Variants in RHBDL3 observed in about 807,000 individuals in gnomAD.
RHBDL3 encodes the protein rhomboid like 3, also known as rhomboid-related protein 3.
RHBDL3 carries 28 observed loss-of-function variants against 48.2 expected under a neutral mutation model. The ratio of observed to expected loss-of-function variants is 0.58; its 90% confidence interval spans 0.43 to 0.80. RHBDL3 has a LOEUF of 0.80. Ranked by LOEUF, RHBDL3 falls within the 30% of genes least tolerant of loss-of-function variation. RHBDL3 has a pLI of 0.00. For missense variants in RHBDL3, 464 were observed against 542.7 expected, an observed-to-expected ratio of 0.85 and a Z score of 1.44; for synonymous variants, 208 against 232.3, an observed-to-expected ratio of 0.90 and a Z score of 0.95.
intron 6 of RHBDL3, among the ~76,000 whole-genome samples, chr17:32,303,041 A>T (rs529101912): frequency 2.0e-5 from 3 of 152,340 alleles, no homozygotes; most frequent in Admixed American, 2.0e-4. Flanking sequence ...CCAAGGTCAC[A>T]CAGCTAGCTG....
chr17:32,312,740 G>A (rs2040874564), intron 7 of RHBDL3, among the ~76,000 whole-genome samples: 1 of 151,976 alleles, frequency 6.6e-6, no homozygotes. Context: ...CTGGTCTTGA[G>A]CTCCTGGCCT....
chr17:32,284,611 G>A, intron 2 of RHBDL3, 48 bp from the exon 3 acceptor site: 1 of 1,589,622 alleles, frequency 6.3e-7, no homozygotes, highest in South Asian at 1.1e-5. Flanking sequence ...TCAGTGTGAA[G>A]AGGAGGTGGT....
At chr17:32,289,606 C>T (rs997263443) in intron 4 of RHBDL3, among the ~76,000 whole-genome samples, 1 of 152,326 alleles carries the variant, frequency 6.6e-6, no homozygotes, top group Middle Eastern at 3.4e-3. Flanking sequence ...ACATTCTCCC[C>T]TTAGGGAATC....
intron 2 of RHBDL3, among the ~76,000 whole-genome samples, chr17:32,277,654 C>T (rs548881952): frequency 2.4e-4 from 37 of 152,202 alleles, no homozygotes; most frequent in Admixed American, 7.2e-4. Flanking sequence ...GTCAGCTGCT[C>T]GGAGACCTAT....
chr17:32,268,461 C>T (rs774327712), intron 2 of RHBDL3, among the ~76,000 whole-genome samples: 14 of 152,158 alleles, frequency 9.2e-5, no homozygotes, highest in East Asian at 1.9e-4. Flanking sequence ...TGTGATTCTT[C>T]GCAATGCCTG....
chr17:32,272,602 T>C (rs1040118173), intron 2 of RHBDL3, among the ~76,000 whole-genome samples: 1 of 152,180 alleles, frequency 6.6e-6, no homozygotes, highest in African/African-American at 2.4e-5. Flanking sequence ...CCCTTGAGGC[T>C]GTGGACTCCT....
At chr17:32,316,389 G>GAA in intron 8 of RHBDL3, 97 bp downstream of exon 8, 4 of 851,624 alleles carry the variant, frequency 4.7e-6, no homozygotes, top group Admixed American at 2.3e-5. Context: ...TTATGGTCAA[G>GAA]AAAAAAAAAG....
intron 2 of RHBDL3, among the ~76,000 whole-genome samples, chr17:32,275,232 C>T (rs1009018632): frequency 3.9e-5 from 6 of 152,202 alleles, no homozygotes; most frequent in Non-Finnish European, 5.9e-5. Flanking sequence ...GGCCATGACT[C>T]GGCTTCAGTC....
intron 2 of RHBDL3, among the ~76,000 whole-genome samples, chr17:32,274,874 ATGTG>A (rs145318862): frequency 6.6e-6 from 1 of 151,488 alleles, no homozygotes; most frequent in Non-Finnish European, 1.5e-5. Flanking sequence ...AAGAGTGTGC[ATGTG>A]TGTGTGTGTG....
In RHBDL3 at chr17:32,303,942, G is replaced by C. The variant is rs8082409; in HGVS notation, c.782-1399G>C. On this transcript the variant is annotated intron_variant, in intron 6 of 8. Transcript: ENST00000269051. ...CAGCTAATTGGCTCTTGAGCCCCTG[G>C]GCATTTTCCAGTGGTAATTTCTGCA... Among the ~76,000 whole-genome samples the C allele has an allele frequency of 5.8e-3, 887 of 152,204 alleles. 10 individuals carry two copies. Among genetic ancestry groups the C allele is most frequent in the African/African-American group, 0.02 (849 of 41,534 alleles).
In RHBDL3 at chr17:32,288,801, A is replaced by G. The variant is rs2040257002; in HGVS notation, c.304A>G (p.Lys102Glu). 2 of 1,611,314 alleles carry G rather than the reference A, an allele frequency of 1.2e-6. No homozygotes were observed. Among genetic ancestry groups the G allele is most frequent in the Non-Finnish European group, 1.7e-6 (2 of 1,178,802 alleles). ...TCCATTTCCTGCACAGATGAGCAAC[A>G]AGCGTTCCAACAGCTTCCGCCAAGC... ...YQDFVSLMSN[K>E]RSNSFRQAIL... is the part of the protein sequence containing the mutation. The change falls in exon 4 of 9, where the codon AAG becomes GAG. Residue 102 changes from lysine to glutamate, a missense_variant. Physicochemically the swap from Lys to Glu is moderately conservative, Grantham distance 56. Coordinates refer to ENST00000269051, the MANE Select transcript of RHBDL3 (RefSeq NM_138328.3).
intron 4 of RHBDL3, 47 bp downstream of exon 4, chr17:32,289,063 G>A (rs199643919): frequency 5.0e-5 from 77 of 1,524,942 alleles, no homozygotes; most frequent in East Asian, 1.4e-4. Context: ...GGGGAGTGGC[G>A]GGTATGGGGA....
intron 7 of RHBDL3, among the ~76,000 whole-genome samples, chr17:32,313,975 T>TC (rs2040909873): frequency 6.6e-6 from 1 of 152,136 alleles, no homozygotes; most frequent in South Asian, 2.1e-4. Flanking sequence ...GCCAGGATGG[T>TC]CTCGATCTCC....
intron 2 of RHBDL3, 153 bp from the exon 3 acceptor site, chr17:32,284,506 C>G (rs2040147260): frequency 3.0e-6 from 2 of 658,110 alleles, no homozygotes; most frequent in Non-Finnish European, 5.2e-6. Flanking sequence ...TAGATGTTTC[C>G]CAGGGGGGTC....
intron 7 of RHBDL3, among the ~76,000 whole-genome samples, chr17:32,308,416 C>T (rs2040760580): frequency 6.6e-6 from 1 of 151,984 alleles, no homozygotes; most frequent in African/African-American, 2.4e-5. Flanking sequence ...CCCACCTCTA[C>T]CAAAAATACA....
At chr17:32,287,372 C>T (rs2040222193) in intron 3 of RHBDL3, among the ~76,000 whole-genome samples, 1 of 152,198 alleles carries the variant, frequency 6.6e-6, no homozygotes, top group South Asian at 2.1e-4. Flanking sequence ...AGGCGCCTAA[C>T]CCTGGCCTAC....
At chr17:32,303,157 C>G (rs984534966) in intron 6 of RHBDL3, among the ~76,000 whole-genome samples, 1 of 152,214 alleles carries the variant, frequency 6.6e-6, no homozygotes. Context: ...TGTGTGCCAG[C>G]TTGACCCTCG....
chr17:32,292,320 C>G lies in RHBDL3; in HGVS notation c.520-1974C>G, dbSNP rs887044979. 5.9e-5 allele frequency among the ~76,000 whole-genome samples: 9 copies of G among 152,282 alleles called. 1 individual carries two copies. In the South Asian group the frequency reaches 6.2e-4, roughly 11 times the overall value. On this transcript the variant is annotated intron_variant, in intron 4 of 8. Transcript: ENST00000269051. ...TGGTGCAGCTGCTATGGAAAACAGT[C>G]TGGCGTTGCCTCAAAAAATTAAACA...
chr17:32,298,450 G>A (rs971034970), intron 6 of RHBDL3, among the ~76,000 whole-genome samples: 6 of 152,246 alleles, frequency 3.9e-5, no homozygotes, highest in Admixed American at 3.3e-4. Flanking sequence ...GGGACAGGCT[G>A]GACAACCGAC....
Sources: gnomAD v4.1 joint callset for allele counts (sites outside exome capture counted in the v4.1 genomes callset) on GRCh38, gnomAD v4.1.1 for gene constraint, MANE v1.5 for transcripts, NCBI Gene and HGNC (gene_info 2026-07-23, HGNC 2026-07-21) for gene names.